The following DOCK1 variants were observed in gnomAD, a reference collection of about 807,000 sequenced individuals.
DOCK1 encodes the protein dedicator of cytokinesis protein 1.
Under a neutral mutation model 262.7 loss-of-function variants are expected in DOCK1, and 138 were observed. That is an observed-to-expected ratio of 0.53 (90% confidence interval 0.46 to 0.61). The LOEUF (loss-of-function observed/expected upper bound fraction) is 0.61. DOCK1 is among the 20% of genes least tolerant of loss of function. DOCK1 has a pLI of 0.00. For synonymous variants in DOCK1, 866 were observed against 867.4 expected (o/e 1.00, Z 0.03); for missense variants, 1,908 against 2,370.7 (o/e 0.80, Z 4.05).
At chr10:127,372,681 A>C (rs1303170184) in intron 33 of DOCK1, among the ~76,000 whole-genome samples, 1 of 152,220 alleles carries the variant, frequency 6.6e-6, no homozygotes, top group Non-Finnish European at 1.5e-5. Context: ...TAATAACAGC[A>C]GGCGGCTTGA....
intron 1 of DOCK1, among the ~76,000 whole-genome samples, chr10:126,925,268 A>T (rs1286650437): frequency 6.6e-6 from 1 of 152,256 alleles, no homozygotes; most frequent in African/African-American, 2.4e-5. Flanking sequence ...ACACACACAT[A>T]TACATGTAGT....
intron 27 of DOCK1, among the ~76,000 whole-genome samples, chr10:127,128,350 T>G (rs2050100616): frequency 8.1e-6 from 1 of 123,706 alleles, no homozygotes; most frequent in South Asian, 2.6e-4. Flanking sequence ...TTTTTTTTTT[T>G]GAGGTTCAAG....
intron 28 of DOCK1, among the ~76,000 whole-genome samples, chr10:127,248,426 G>A (rs2059505227): frequency 6.6e-6 from 1 of 152,144 alleles, no homozygotes; most frequent in Non-Finnish European, 1.5e-5. Context: ...GTTATCCATG[G>A]ATAGTCTCCC....
intron 23 of DOCK1, among the ~76,000 whole-genome samples, chr10:127,101,110 A>G (rs2048216698): frequency 6.6e-6 from 1 of 152,084 alleles, no homozygotes; most frequent in Non-Finnish European, 1.5e-5. Flanking sequence ...CCGAAAACCC[A>G]AGGCAGGGGC....
chr10:127,299,622 G>A (rs962017532), intron 29 of DOCK1, among the ~76,000 whole-genome samples: 11 of 152,158 alleles, frequency 7.2e-5, no homozygotes, highest in African/African-American at 2.7e-4. Context: ...CCTGGATTTG[G>A]GACTTCTGGC....
At chr10:127,428,663 GCCGTGTGGATTGGGGTA>G (rs1226398194) in intron 47 of DOCK1, among the ~76,000 whole-genome samples, 9 of 150,102 alleles carry the variant, frequency 6.0e-5, no homozygotes, top group East Asian at 4.0e-4. Context: ...GGATTGGGGT[GCCGTGTGGATTGGGGTA>G]CCGTGTGGAT....
chr10:127,196,747 A>AGCTGCCGCCGGCTGCCGCCG lies in DOCK1; in HGVS notation c.2848-51251_2848-51232dup, dbSNP rs566357511. ...AGGAAGAGGAGGAGGAGGTGGAAGG[A>AGCTGCCGCCGGCTGCCGCCG]GCTGCCGCCGGCTGCCGCCGGCTGC... is the stretch of plus-strand genomic sequence containing the variant. On this transcript the variant is annotated intron_variant, in intron 27 of 51. Coordinates refer to ENST00000623213, the MANE Select transcript of DOCK1 (RefSeq NM_001290223.2). Among the ~76,000 whole-genome samples the AGCTGCCGCCGGCTGCCGCCG allele has an allele frequency of 1.2e-3, 181 of 151,322 alleles. 1 individual carries two copies. Among genetic ancestry groups the AGCTGCCGCCGGCTGCCGCCG allele is most frequent in the South Asian group, 3.6e-3 (17 of 4,784 alleles).
chr10:127,201,619 C>T (rs1223961492), intron 27 of DOCK1, among the ~76,000 whole-genome samples: 2 of 152,100 alleles, frequency 1.3e-5, no homozygotes, highest in African/African-American at 4.8e-5. Context: ...TTTTCTAATG[C>T]TCCCTGCAAC....
chr10:127,273,108 C>T (rs1429249368), intron 29 of DOCK1, among the ~76,000 whole-genome samples: 1 of 152,214 alleles, frequency 6.6e-6, no homozygotes, highest in African/African-American at 2.4e-5. Flanking sequence ...GACGGCCTCA[C>T]CTTCTTTTCT....
intron 1 of DOCK1, among the ~76,000 whole-genome samples, chr10:126,919,399 C>T (rs1467742520): frequency 1.3e-5 from 2 of 152,124 alleles, no homozygotes; most frequent in Non-Finnish European, 2.9e-5. Context: ...TTTTCAAGTC[C>T]TCCTAACGTC....
chr10:126,970,589 G>A lies in DOCK1; in HGVS notation c.47-113G>A, dbSNP rs1234448826. 10 of 751,404 alleles carry A rather than the reference G, an allele frequency of 1.3e-5. No homozygotes were observed. The Admixed American group carries it at 1.3e-4, about 10-fold the overall frequency. The allele number at this position is 751,404 out of a possible 1,614,324, so 46.5% of individuals were successfully genotyped here. A position where few individuals can be genotyped will look rare whatever the true frequency, so the allele number is the denominator to read the frequency against. On this transcript the variant is annotated intron_variant, in intron 1 of 51. Coordinates refer to ENST00000623213, the MANE Select transcript of DOCK1 (RefSeq NM_001290223.2). ...TATCAGAGAGGATGATGCAGGCAGC[G>A]ACTGAATGTATTTCAATATTAAAAA...
intron 38 of DOCK1, among the ~76,000 whole-genome samples, chr10:127,400,683 A>G (rs892398696): frequency 5.3e-5 from 8 of 152,000 alleles, no homozygotes; most frequent in Non-Finnish European, 8.8e-5. Flanking sequence ...GTGGCTGGAC[A>G]TAGAGTAAGC....
chr10:127,306,476 AT>A (rs2061880729), intron 29 of DOCK1, among the ~76,000 whole-genome samples: 1 of 152,102 alleles, frequency 6.6e-6, no homozygotes, highest in African/African-American at 2.4e-5. Context: ...TGGCTCCTGC[AT>A]TTAGGAGCAG....
In DOCK1 at chr10:127,176,751, A is replaced by T; in HGVS notation, c.2847+48987A>T. ...TGCAAATTATCTTTTCACACGCGTG[A>T]CTCCCCTTCTTAGGCAGATGGTTTA... is the stretch of plus-strand genomic sequence containing the variant. On this transcript the variant is annotated intron_variant, in intron 27 of 51. Transcript: ENST00000623213. The surrounding 1 kb of genome is among the most constrained non-coding windows in gnomAD (Gnocchi z 4.4). 3 of 186,648 alleles carry T rather than the reference A, an allele frequency of 1.6e-5. No homozygotes were observed. The highest frequency in any genetic ancestry group is 1.6e-4 in the South Asian group (1 of 6,160). 11.6% of individuals were successfully genotyped at this position (186,648 alleles called of 1,614,324 possible).
At chr10:126,956,383 G>A (rs1467367424) in intron 1 of DOCK1, among the ~76,000 whole-genome samples, 2 of 152,168 alleles carry the variant, frequency 1.3e-5, no homozygotes, top group African/African-American at 2.4e-5. Context: ...TACAGCCTAC[G>A]AGCATCTACC....
chr10:126,947,375 T>C (rs2035533823), intron 1 of DOCK1, among the ~76,000 whole-genome samples: 1 of 129,212 alleles, frequency 7.7e-6, no homozygotes, highest in Admixed American at 8.8e-5. Flanking sequence ...TTACTGTTGG[T>C]GGTGATGGTG....
intron 3 of DOCK1, among the ~76,000 whole-genome samples, chr10:126,980,949 T>G (rs2038923602): frequency 6.6e-6 from 1 of 151,150 alleles, no homozygotes; most frequent in Non-Finnish European, 1.5e-5. Flanking sequence ...CCCTACGTTT[T>G]TTTTTTTTTT....
intron 29 of DOCK1, among the ~76,000 whole-genome samples, chr10:127,271,696 CAGT>C (rs1382281722): frequency 1.3e-5 from 2 of 152,160 alleles, no homozygotes; most frequent in African/African-American, 4.8e-5. Flanking sequence ...ACCCAACACA[CAGT>C]AGGTGCTCAA....
At position 127,343,666 on chromosome 10, in the gene DOCK1, C is replaced by A. The variant is rs2063519525; in HGVS notation, c.3144C>A (p.His1048Gln). The A allele has an allele frequency of 6.2e-7, 1 of 1,610,680 alleles. No individual in the cohort carries two copies. Among genetic ancestry groups the A allele is most frequent in the Non-Finnish European group, 8.5e-7 (1 of 1,178,582 alleles). ...TTCAGCTGTGGAACAACTACTTTCA[C>A]CTGGCTGTTGCTTTCCTTACTCAAG... Reference protein sequence around the residue: ...FELQLWNNYFHLAVAFLTQES... With the variant: ...FELQLWNNYFQLAVAFLTQES... The change falls in exon 31 of 52, where the codon CAC (histidine) becomes CAA (glutamine). Residue 1048 changes from histidine (H) to glutamine (Q), a missense_variant. Coordinates refer to ENST00000623213, the MANE Select transcript of DOCK1 (RefSeq NM_001290223.2).
Sources: gnomAD v4.1 joint callset for allele counts (sites outside exome capture counted in the v4.1 genomes callset) on GRCh38, gnomAD v4.1.1 for gene constraint, Gnocchi (gnomAD v3.1) non-coding constraint, MANE v1.5 for transcripts, NCBI Gene and HGNC (gene_info 2026-07-23, HGNC 2026-07-21) for gene names.